SDK1: variants seen among roughly 807,000 people sequenced by gnomAD.
SDK1 encodes sidekick cell adhesion molecule 1.
Under a neutral mutation model 245.5 loss-of-function variants are expected in SDK1, and 157 were observed. That is an observed-to-expected ratio of 0.64 (90% confidence interval 0.56 to 0.73). The LOEUF is 0.73. SDK1 is among the 30% of genes least tolerant of loss of function. The pLI is 0.00. For missense variants in SDK1, 3,583 were observed against 3,002.3 expected (o/e 1.19, Z -4.52); for synonymous variants, 1,647 against 1,278.5 (o/e 1.29, Z -6.15).
At chr7:3,726,638 C>A (rs10267687) in intron 4 of SDK1, among the ~76,000 whole-genome samples, 23,869 of 152,164 alleles carry the variant, frequency 0.16, 2,580 homozygotes, top group East Asian at 0.3. Context: ...AACAACTTAG[C>A]CTTTAATGCT....
At chr7:3,557,774 AAGCT>A (rs1449726993) in intron 1 of SDK1, among the ~76,000 whole-genome samples, 2 of 152,198 alleles carry the variant, frequency 1.3e-5, no homozygotes, top group Non-Finnish European at 2.9e-5. Context: ...CGATTAAAAA[AAGCT>A]AGCAGCTTGT....
intron 1 of SDK1, among the ~76,000 whole-genome samples, chr7:3,580,971 A>G (rs1248910001): frequency 8.4e-6 from 1 of 119,690 alleles, no homozygotes; most frequent in Non-Finnish European, 1.7e-5. Context: ...TCCATCTCAA[A>G]AAAAAAAAAA....
chr7:3,344,981 T>G (rs1347347704), intron 1 of SDK1, among the ~76,000 whole-genome samples: 1 of 152,216 alleles, frequency 6.6e-6, no homozygotes, highest in Non-Finnish European at 1.5e-5. Flanking sequence ...ACAACTTATG[T>G]AAAAATCTGA....
At chr7:3,360,639 T>A (rs1456170310) in intron 1 of SDK1, among the ~76,000 whole-genome samples, 2 of 152,200 alleles carry the variant, frequency 1.3e-5, no homozygotes, top group Admixed American at 6.5e-5. Context: ...CAAGCTGGCG[T>A]TGGATTGCGT....
chr7:3,782,029 T>C (rs773126924), intron 4 of SDK1, among the ~76,000 whole-genome samples: 13 of 152,284 alleles, frequency 8.5e-5, no homozygotes, highest in Admixed American at 5.2e-4. Flanking sequence ...TTTTCTAATA[T>C]AGGAACAGAT....
chr7:3,863,359 C>G (rs551779308), intron 5 of SDK1, among the ~76,000 whole-genome samples: 1 of 152,310 alleles, frequency 6.6e-6, no homozygotes, highest in African/African-American at 2.4e-5. Context: ...TGCCTTACTG[C>G]CCTTTTGAGA....
At chr7:4,105,834 C>G (rs930445727) in intron 22 of SDK1, among the ~76,000 whole-genome samples, 2 of 152,128 alleles carry the variant, frequency 1.3e-5, no homozygotes, top group Non-Finnish European at 2.9e-5. Flanking sequence ...AGCAGACACA[C>G]TCTGAGAGGG....
chr7:4,236,520 T>C (rs561781571), intron 41 of SDK1, among the ~76,000 whole-genome samples: 1 of 152,260 alleles, frequency 6.6e-6, no homozygotes, highest in East Asian at 1.9e-4. Flanking sequence ...GTCTGTGGCC[T>C]GTGGAGGGGC....
At position 3,783,224 on chromosome 7, in the gene SDK1, C is replaced by T. The variant is rs28856279; in HGVS notation, c.714-38226C>T. Among the ~76,000 whole-genome samples, 841 of 152,236 alleles carry T rather than the reference C, an allele frequency of 5.5e-3. 9 individuals are homozygous for T. The highest frequency in any genetic ancestry group is 0.019 in the African/African-American group (808 of 41,530). Reference sequence around the variant, plus strand: ...GTAGAAGGAGTGGACTTCAACACAACAAAGGCCGTGTGAGAGAATCCCACA... The same window carrying T: ...GTAGAAGGAGTGGACTTCAACACAATAAAGGCCGTGTGAGAGAATCCCACA... On this transcript the variant is annotated intron_variant, in intron 4 of 44. Transcript: ENST00000404826.
chr7:3,385,805 C>G (rs934818707), intron 1 of SDK1, among the ~76,000 whole-genome samples: 2 of 152,140 alleles, frequency 1.3e-5, no homozygotes, highest in Admixed American at 6.6e-5. Context: ...TAATATCTCT[C>G]AATAACAAAA....
intron 38 of SDK1, among the ~76,000 whole-genome samples, chr7:4,211,654 G>A (rs1784518648): frequency 6.6e-6 from 1 of 152,134 alleles, no homozygotes; most frequent in Non-Finnish European, 1.5e-5. Context: ...CTGTCTCCCA[G>A]GCTGAAGTGC....
intron 5 of SDK1, among the ~76,000 whole-genome samples, chr7:3,853,807 G>A (rs1183093022): frequency 1.3e-5 from 2 of 152,058 alleles, no homozygotes; most frequent in Non-Finnish European, 2.9e-5. Context: ...TGGCCAACAT[G>A]GTGAAACCTC....
chr7:3,555,907 C>G (rs1350601426), intron 1 of SDK1, among the ~76,000 whole-genome samples: 4 of 152,092 alleles, frequency 2.6e-5, no homozygotes, highest in African/African-American at 9.7e-5. Flanking sequence ...ATCTTAAAGA[C>G]AGGCAGTAAC....
intron 35 of SDK1, among the ~76,000 whole-genome samples, chr7:4,187,720 C>T (rs1406621497): frequency 6.6e-6 from 1 of 152,124 alleles, no homozygotes; most frequent in Non-Finnish European, 1.5e-5. Context: ...AGCACCAGTC[C>T]AAAGGTGGTT....
At chr7:3,950,630 T>A (rs1372127650) in intron 5 of SDK1, among the ~76,000 whole-genome samples, 1 of 152,108 alleles carries the variant, frequency 6.6e-6, no homozygotes, top group Non-Finnish European at 1.5e-5. Flanking sequence ...CACAATGGGG[T>A]TATGTTCCAA....
chr7:3,790,597 C>T (rs185063824), intron 4 of SDK1, among the ~76,000 whole-genome samples: 20 of 152,208 alleles, frequency 1.3e-4, no homozygotes, highest in Admixed American at 1.0e-3. Context: ...CACTTGAGGT[C>T]GGGAGTTCGA....
At position 4,026,626 on chromosome 7, in the gene SDK1, T is replaced by C. The variant is rs914713403; in HGVS notation, c.2602+9274T>C. ...AAAGGAACACACAAAACTTTTTAAG[T>C]GTTAAAGTATTTTCTTCTGAAGGCC... On this transcript the variant is annotated intron_variant, in intron 17 of 44. Coordinates refer to ENST00000404826, the MANE Select transcript of SDK1 (RefSeq NM_152744.4). This position sits in a 1 kb window ranked among gnomAD's most constrained non-coding sequence, Gnocchi z 4.1. Among the ~76,000 whole-genome samples the C allele has an allele frequency of 6.6e-6, 1 of 152,210 alleles. No homozygotes were observed. The highest frequency in any genetic ancestry group is 2.4e-5 in the African/African-American group (1 of 41,452).
At chr7:4,204,509 G>C (rs768772632) in intron 35 of SDK1, among the ~76,000 whole-genome samples, 7 of 152,214 alleles carry the variant, frequency 4.6e-5, no homozygotes, top group Admixed American at 2.0e-4. Context: ...TTCTGCGCTG[G>C]GGGGAGAGAG....
chr7:4,233,720 C>G (rs559851787), intron 41 of SDK1, among the ~76,000 whole-genome samples: 1 of 152,120 alleles, frequency 6.6e-6, no homozygotes, highest in Non-Finnish European at 1.5e-5. Flanking sequence ...GCCCAGGGAA[C>G]ATGTGGGTGG....
Sources: allele counts gnomAD v4.1 joint callset (sites outside exome capture counted in the v4.1 genomes callset), GRCh38; gene constraint gnomAD v4.1.1; non-coding constraint Gnocchi (gnomAD v3.1); transcripts MANE v1.5; gene names NCBI Gene and HGNC (gene_info 2026-07-23, HGNC 2026-07-21).